Variants in PTPRD observed in about 807,000 individuals in gnomAD.
The protein encoded by PTPRD is receptor-type tyrosine-protein phosphatase delta.
PTPRD carries 34 observed loss-of-function variants against 214.5 expected under a neutral mutation model. That is an observed-to-expected ratio of 0.16 (90% confidence interval 0.12 to 0.21). PTPRD has a LOEUF of 0.21. Ranked by LOEUF, PTPRD falls within the 10% of genes least tolerant of loss-of-function variation. The pLI is 1.00. For synonymous variants in PTPRD, 1,128 were observed against 845.7 expected, an observed-to-expected ratio of 1.33 and a Z score of -5.79; for missense variants, 2,545 against 2,398.7, an observed-to-expected ratio of 1.06 and a Z score of -1.27.
chr9:9,054,748 T>C (rs1243428419), intron 10 of PTPRD, among the ~76,000 whole-genome samples: 1 of 152,178 alleles, frequency 6.6e-6, no homozygotes, highest in Non-Finnish European at 1.5e-5. Context: ...TGTGATTTGG[T>C]AACTCGAAGG....
At chr9:9,824,689 G>T (rs996872954) in intron 5 of PTPRD, among the ~76,000 whole-genome samples, 9 of 151,864 alleles carry the variant, frequency 5.9e-5, no homozygotes, top group African/African-American at 1.4e-4. Flanking sequence ...TTTATTGTTA[G>T]GAATCAGAAA....
chr9:9,163,128 T>C (rs2154494793), intron 10 of PTPRD, among the ~76,000 whole-genome samples: 1 of 152,254 alleles, frequency 6.6e-6, no homozygotes, highest in Admixed American at 6.5e-5. Context: ...ACTCTAGGAC[T>C]TATTAAATGA....
At chr9:8,854,787 T>C (rs779440945) in intron 11 of PTPRD, among the ~76,000 whole-genome samples, 8 of 152,202 alleles carry the variant, frequency 5.3e-5, no homozygotes, top group African/African-American at 9.6e-5. Context: ...TTTAATCACA[T>C]CATCAATCTA....
intron 11 of PTPRD, among the ~76,000 whole-genome samples, chr9:8,741,685 G>A (rs7035350): frequency 0.075 from 10,687 of 141,936 alleles, 1,046 homozygotes; most frequent in African/African-American, 0.24. Context: ...CCACTTCCCA[G>A]GTTCAAGCGA....
chr9:8,760,036 G>A (rs556787598), intron 11 of PTPRD, among the ~76,000 whole-genome samples: 1 of 152,262 alleles, frequency 6.6e-6, no homozygotes, highest in African/African-American at 2.4e-5. Context: ...GGACTCAGTG[G>A]TGCTTGTAGC....
chr9:8,959,606 T>C (rs539866711), intron 11 of PTPRD, among the ~76,000 whole-genome samples: 1 of 152,134 alleles, frequency 6.6e-6, no homozygotes, highest in East Asian at 1.9e-4. Context: ...AAGATTAACA[T>C]GATTTTAACC....
At chr9:10,546,914 C>A (rs897406066) in intron 2 of PTPRD, among the ~76,000 whole-genome samples, 3 of 152,010 alleles carry the variant, frequency 2.0e-5, no homozygotes, top group African/African-American at 7.2e-5. Flanking sequence ...GTTCTTGAAG[C>A]AAAATTTGAC....
At chr9:8,584,615 T>A (rs1462759725) in intron 14 of PTPRD, among the ~76,000 whole-genome samples, 2 of 152,216 alleles carry the variant, frequency 1.3e-5, no homozygotes, top group African/African-American at 4.8e-5. Context: ...CATTTAATTA[T>A]GTATTATTTT....
chr9:8,849,884 G>C (rs903040631), intron 11 of PTPRD, among the ~76,000 whole-genome samples: 9 of 152,080 alleles, frequency 5.9e-5, no homozygotes, highest in Non-Finnish European at 1.0e-4. Context: ...AAATTAGGAA[G>C]ACTCAAAGAG....
intron 4 of PTPRD, among the ~76,000 whole-genome samples, chr9:9,989,534 T>C (rs1342309343): frequency 6.6e-6 from 1 of 151,868 alleles, no homozygotes; most frequent in Non-Finnish European, 1.5e-5. Context: ...TCCCATTCCA[T>C]CCCCCTTCTA....
At chr9:9,975,121 G>A (rs1033510668) in intron 4 of PTPRD, among the ~76,000 whole-genome samples, 9 of 148,034 alleles carry the variant, frequency 6.1e-5, no homozygotes, top group South Asian at 2.1e-4. Flanking sequence ...GTAAATGTGC[G>A]CTCCCATTTA....
At chr9:9,739,865 C>T (rs1049359817) in intron 6 of PTPRD, among the ~76,000 whole-genome samples, 18 of 152,060 alleles carry the variant, frequency 1.2e-4, no homozygotes, top group African/African-American at 4.1e-4. Context: ...ACTTGTAATA[C>T]TGGCTTTCAT....
intron 4 of PTPRD, among the ~76,000 whole-genome samples, chr9:10,015,600 G>C (rs755134066): frequency 6.6e-6 from 1 of 152,066 alleles, no homozygotes; most frequent in Non-Finnish European, 1.5e-5. Flanking sequence ...CTTTAAAATG[G>C]GGATCACTGT....
intron 33 of PTPRD, chr9:8,454,703 C>G (rs1162825963): frequency 8.5e-7 from 1 of 1,169,814 alleles, no homozygotes; most frequent in East Asian, 2.4e-5. Context: ...TGTTCACAAG[C>G]AAGGACACAT....
chr9:8,900,375 T>G (rs1443174344), intron 11 of PTPRD, among the ~76,000 whole-genome samples: 1 of 152,118 alleles, frequency 6.6e-6, no homozygotes, highest in Non-Finnish European at 1.5e-5. Context: ...TTGCTAGAGT[T>G]TTCAAGAGTT....
intron 2 of PTPRD, chr9:10,532,314 C>T (rs2056584118): frequency 6.5e-6 from 1 of 154,414 alleles, no homozygotes; most frequent in African/African-American, 2.4e-5. Flanking sequence ...GAGGGACAAC[C>T]TCATAAACTG....
At chr9:9,167,328 TTGTGTG>T (rs147430665) in intron 10 of PTPRD, among the ~76,000 whole-genome samples, 8 of 145,670 alleles carry the variant, frequency 5.5e-5, no homozygotes, top group African/African-American at 7.6e-5. Context: ...TATATGGGGT[TTGTGTG>T]TGTGTGTGTG....
chr9:10,497,707 A>C (rs1247555335), intron 2 of PTPRD, among the ~76,000 whole-genome samples: 2 of 152,040 alleles, frequency 1.3e-5, no homozygotes, highest in Non-Finnish European at 2.9e-5. Flanking sequence ...AATTATGTTT[A>C]AAAAGAAAAG....
At chr9:8,650,433 G>A (rs1054767915) in intron 12 of PTPRD, among the ~76,000 whole-genome samples, 1 of 151,456 alleles carries the variant, frequency 6.6e-6, no homozygotes, top group African/African-American at 2.4e-5. Flanking sequence ...GCTGAGGCAG[G>A]AGAATCGCTT....
Sources: gnomAD v4.1 joint callset for allele counts (sites outside exome capture counted in the v4.1 genomes callset) on GRCh38, gnomAD v4.1.1 for gene constraint, MANE v1.5 for transcripts, NCBI Gene and HGNC (gene_info 2026-07-23, HGNC 2026-07-21) for gene names.